The following ZNF804A variants were observed in gnomAD, a reference collection of about 807,000 sequenced individuals.
ZNF804A encodes the protein zinc finger protein 804A.
Under a neutral mutation model 16.5 loss-of-function variants are expected in ZNF804A, and 2 were observed. That is an observed-to-expected ratio of 0.12 (90% CI 0.05 to 0.38). ZNF804A has a LOEUF of 0.38. Ranked by LOEUF, ZNF804A falls within the 10% of genes least tolerant of loss-of-function variation. ZNF804A has a pLI of 0.99. For missense variants in ZNF804A, 1,473 were observed against 1,390.7 expected, an observed-to-expected ratio of 1.06 and a Z score of -0.94; for synonymous variants, 534 against 489.6, an observed-to-expected ratio of 1.09 and a Z score of -1.20.
rs1559109210 is a variant in ZNF804A at position 184,616,981 on chromosome 2, G to A, written c.111+17911G>A. On this transcript the variant is annotated intron_variant, in intron 1 of 3. Transcript: ENST00000302277. Reference sequence around the variant, plus strand: ...CATTCATATTTAGTATGAGAGATGAGGTCCTCCTCTCATCATTTTCTTAGG... The same window carrying A: ...CATTCATATTTAGTATGAGAGATGAAGTCCTCCTCTCATCATTTTCTTAGG... Among the ~76,000 whole-genome samples the A allele has an allele frequency of 4.0e-5, 6 of 151,884 alleles. No individual in the cohort carries two copies. The South Asian group carries it at 1.0e-3, about 26-fold the overall frequency.
intron 1 of ZNF804A, among the ~76,000 whole-genome samples, chr2:184,613,292 C>T (rs1279816544): frequency 6.6e-6 from 1 of 152,222 alleles, no homozygotes; most frequent in Non-Finnish European, 1.5e-5. Context: ...CTTCCTGTCA[C>T]TCACTCTCTT....
intron 2 of ZNF804A, among the ~76,000 whole-genome samples, chr2:184,908,743 A>G (rs970688688): frequency 6.6e-6 from 1 of 152,140 alleles, no homozygotes; most frequent in Non-Finnish European, 1.5e-5. Flanking sequence ...CACTGTTATA[A>G]TACATATTAC....
intron 1 of ZNF804A, among the ~76,000 whole-genome samples, chr2:184,775,473 G>A (rs2105770998): frequency 6.6e-6 from 1 of 151,622 alleles, no homozygotes; most frequent in Middle Eastern, 3.4e-3. Context: ...AAATTATAGA[G>A]TGGCCGGTGC....
intron 1 of ZNF804A, among the ~76,000 whole-genome samples, chr2:184,614,314 C>T (rs1691285831): frequency 6.6e-6 from 1 of 152,114 alleles, no homozygotes; most frequent in Non-Finnish European, 1.5e-5. Flanking sequence ...AACATAAGAC[C>T]TAAAACCATA....
chr2:184,779,665 A>G (rs1311302356), intron 1 of ZNF804A, among the ~76,000 whole-genome samples: 1 of 151,620 alleles, frequency 6.6e-6, no homozygotes, highest in Non-Finnish European at 1.5e-5. Flanking sequence ...TTATTGCTGG[A>G]TTTGGAGATG....
chr2:184,800,739 T>TA (rs1003579271), intron 1 of ZNF804A, among the ~76,000 whole-genome samples: 4 of 152,018 alleles, frequency 2.6e-5, no homozygotes, highest in African/African-American at 9.7e-5. Flanking sequence ...TGATACTTTA[T>TA]AAAAAAGCAT....
At chr2:184,622,215 T>C (rs1158860627) in intron 1 of ZNF804A, among the ~76,000 whole-genome samples, 1 of 151,834 alleles carries the variant, frequency 6.6e-6, no homozygotes. Context: ...GAAATAAGTA[T>C]GATATTAATA....
intron 1 of ZNF804A, among the ~76,000 whole-genome samples, chr2:184,650,806 A>AT (rs1691971052): frequency 6.6e-6 from 1 of 152,190 alleles, no homozygotes; most frequent in Non-Finnish European, 1.5e-5. Flanking sequence ...CATACATGAC[A>AT]CAAATGGAAA....
At chr2:184,682,429 C>T (rs1017275038) in intron 1 of ZNF804A, among the ~76,000 whole-genome samples, 19 of 152,248 alleles carry the variant, frequency 1.2e-4, no homozygotes, top group African/African-American at 4.6e-4. Flanking sequence ...TCCAGTTATA[C>T]AATCAGCCCT....
intron 1 of ZNF804A, among the ~76,000 whole-genome samples, chr2:184,816,201 G>A (rs1038034232): frequency 6.6e-6 from 1 of 151,994 alleles, no homozygotes; most frequent in Admixed American, 6.6e-5. Context: ...GTTCCCAGAT[G>A]GATTCAGCAA....
chr2:184,937,918 C>T lies in ZNF804A; in HGVS notation c.2522C>T (p.Ser841Phe), dbSNP rs760299208. The T allele has an allele frequency of 3.7e-6, 6 of 1,614,026 alleles. No homozygotes were observed. In the Admixed American group the frequency reaches 1.0e-4, roughly 27 times the overall value. The change falls in exon 4 of 4, where the codon TCC becomes TTC. Residue 841 changes from serine (S) to phenylalanine (F), a missense_variant. Transcript: ENST00000302277. ...GATTATCCCGTGAAAGACAATTCTT[C>T]CTTAAATCCTCTGGATAGGTTAATA... ...NTDYPVKDNS[S>F]LNPLDRLISE...
intron 1 of ZNF804A, among the ~76,000 whole-genome samples, chr2:184,712,231 G>A (rs1693139825): frequency 1.3e-5 from 2 of 151,662 alleles, no homozygotes; most frequent in Admixed American, 1.3e-4. Flanking sequence ...ATGATATCAA[G>A]TGGGTGATCT....
intron 1 of ZNF804A, among the ~76,000 whole-genome samples, chr2:184,728,115 C>T (rs550862835): frequency 8.3e-6 from 1 of 121,166 alleles, no homozygotes; most frequent in Non-Finnish European, 1.6e-5. Context: ...AAATGAAAAT[C>T]TATTAAAAAA....
At chr2:184,757,042 G>T (rs1693969758) in intron 1 of ZNF804A, among the ~76,000 whole-genome samples, 1 of 151,880 alleles carries the variant, frequency 6.6e-6, no homozygotes, top group Non-Finnish European at 1.5e-5. Flanking sequence ...AAGTCTCAAG[G>T]TCTCCACTAA....
At chr2:184,872,754 A>G (rs1001866270) in intron 2 of ZNF804A, among the ~76,000 whole-genome samples, 3 of 152,128 alleles carry the variant, frequency 2.0e-5, no homozygotes, top group Non-Finnish European at 2.9e-5. Flanking sequence ...AAACTTCTCA[A>G]GCTGATTCCA....
intron 2 of ZNF804A, among the ~76,000 whole-genome samples, chr2:184,868,889 A>G (rs1461185199): frequency 1.3e-5 from 2 of 152,130 alleles, no homozygotes; most frequent in African/African-American, 2.4e-5. Context: ...TTCATAAAAT[A>G]TTAAGCTCTC....
At chr2:184,853,447 A>T (rs1253428900) in intron 1 of ZNF804A, among the ~76,000 whole-genome samples, 1 of 151,892 alleles carries the variant, frequency 6.6e-6, no homozygotes, top group East Asian at 1.9e-4. Context: ...CAGTTGTGGT[A>T]GGAATCAGCA....
At chr2:184,679,479 G>A (rs1335391520) in intron 1 of ZNF804A, among the ~76,000 whole-genome samples, 1 of 152,138 alleles carries the variant, frequency 6.6e-6, no homozygotes, top group African/African-American at 2.4e-5. Context: ...CCCCGGTGCA[G>A]CTACTACTGC....
At chr2:184,848,712 A>G (rs1031005828) in intron 1 of ZNF804A, among the ~76,000 whole-genome samples, 2 of 152,072 alleles carry the variant, frequency 1.3e-5, no homozygotes, top group Non-Finnish European at 2.9e-5. Flanking sequence ...ATGATAGAAG[A>G]TGATGACACA....
Sources: allele counts gnomAD v4.1 joint callset (sites outside exome capture counted in the v4.1 genomes callset), GRCh38; gene constraint gnomAD v4.1.1; transcripts MANE v1.5; gene names NCBI Gene and HGNC (gene_info 2026-07-23, HGNC 2026-07-21).